Variants in MAGI2 observed in about 807,000 individuals in gnomAD.
MAGI2 encodes the protein membrane associated guanylate kinase, WW and PDZ domain containing 2, also known as membrane-associated guanylate kinase, WW and PDZ domain-containing protein 2.
MAGI2 carries 35 observed loss-of-function variants against 133.3 expected under a neutral mutation model. The ratio of observed to expected loss-of-function variants is 0.26; its 90% CI spans 0.20 to 0.35. MAGI2 has a LOEUF of 0.35. MAGI2 is among the 10% of genes least tolerant of loss of function. MAGI2 has a pLI of 1.00. For synonymous variants in MAGI2, 729 were observed against 710.6 expected, an observed-to-expected ratio of 1.03 and a Z score of -0.41; for missense variants, 1,636 against 1,863.4, an observed-to-expected ratio of 0.88 and a Z score of 2.25.
At chr7:78,198,715 G>A (rs1267616547) in intron 11 of MAGI2, among the ~76,000 whole-genome samples, 2 of 152,154 alleles carry the variant, frequency 1.3e-5, no homozygotes, top group South Asian at 2.1e-4. Context: ...TTATGAATGA[G>A]GCAGGCCCCT....
chr7:78,109,238 A>G (rs2150458867), intron 20 of MAGI2, among the ~76,000 whole-genome samples: 1 of 123,544 alleles, frequency 8.1e-6, no homozygotes, highest in South Asian at 3.0e-4. Context: ...CAGGAGGCGG[A>G]GCTTGCAGTG....
intron 6 of MAGI2, among the ~76,000 whole-genome samples, chr7:78,427,524 A>T (rs1799393942): frequency 6.6e-6 from 1 of 152,144 alleles, no homozygotes; most frequent in Non-Finnish European, 1.5e-5. Flanking sequence ...AATTCATCAC[A>T]ATTATGCATT....
chr7:79,074,653 GA>G (rs1815298512), intron 1 of MAGI2, among the ~76,000 whole-genome samples: 1 of 152,186 alleles, frequency 6.6e-6, no homozygotes, highest in Admixed American at 6.5e-5. Flanking sequence ...ACTGAAGCAT[GA>G]AAAGTTGAAT....
intron 1 of MAGI2, among the ~76,000 whole-genome samples, chr7:79,301,179 T>C (rs1585487163): frequency 6.6e-6 from 1 of 152,334 alleles, no homozygotes; most frequent in East Asian, 1.9e-4. Flanking sequence ...ATTTAGGCAC[T>C]GCCAAGTGGA....
At chr7:78,029,790 G>T (rs750247171) in intron 21 of MAGI2, among the ~76,000 whole-genome samples, 11 of 152,266 alleles carry the variant, frequency 7.2e-5, no homozygotes, top group Non-Finnish European at 1.6e-4. Flanking sequence ...GGAAGTCAGA[G>T]ATTTGCTCAC....
At chr7:79,028,064 T>C (rs1185951403) in intron 1 of MAGI2, among the ~76,000 whole-genome samples, 1 of 150,988 alleles carries the variant, frequency 6.6e-6, no homozygotes, top group Admixed American at 6.6e-5. Flanking sequence ...ATACAAAAAT[T>C]AGCTGGGCAT....
At chr7:78,735,606 G>A (rs1453291468) in intron 2 of MAGI2, among the ~76,000 whole-genome samples, 1 of 152,114 alleles carries the variant, frequency 6.6e-6, no homozygotes, top group African/African-American at 2.4e-5. Context: ...CACTCTTATA[G>A]AACAAATCTT....
At chr7:78,660,942 C>A (rs150429706) in intron 2 of MAGI2, among the ~76,000 whole-genome samples, 98 of 152,234 alleles carry the variant, frequency 6.4e-4, no homozygotes, top group Middle Eastern at 6.8e-3. Flanking sequence ...ACTTGCAAAT[C>A]TTAACACCCA....
chr7:78,475,906 C>T (rs776821892), intron 6 of MAGI2, among the ~76,000 whole-genome samples: 2 of 151,686 alleles, frequency 1.3e-5, no homozygotes, highest in Non-Finnish European at 2.9e-5. Flanking sequence ...CAAGTCTTCT[C>T]GGAACATGCC....
chr7:78,674,573 T>C (rs1230470247), intron 2 of MAGI2, among the ~76,000 whole-genome samples: 1 of 152,180 alleles, frequency 6.6e-6, no homozygotes, highest in Non-Finnish European at 1.5e-5. Flanking sequence ...GTCTACCTCA[T>C]TTATTAAATC....
At chr7:78,703,911 T>C (rs975575909) in intron 2 of MAGI2, among the ~76,000 whole-genome samples, 12 of 85,872 alleles carry the variant, frequency 1.4e-4, no homozygotes, top group African/African-American at 4.7e-4. Context: ...GAATACCATA[T>C]GTAAAAATCA....
At chr7:78,275,763 G>C (rs1278506653) in intron 9 of MAGI2, among the ~76,000 whole-genome samples, 2 of 152,116 alleles carry the variant, frequency 1.3e-5, no homozygotes, top group Non-Finnish European at 2.9e-5. Flanking sequence ...AATAGGACTG[G>C]ATATACCAGT....
intron 6 of MAGI2, among the ~76,000 whole-genome samples, chr7:78,473,791 C>T (rs1006250743): frequency 6.6e-6 from 1 of 151,986 alleles, no homozygotes; most frequent in Non-Finnish European, 1.5e-5. Context: ...CTTCCTCATT[C>T]CAAATAAACT....
chr7:79,389,859 C>T (rs1215861426), intron 1 of MAGI2, among the ~76,000 whole-genome samples: 2 of 151,924 alleles, frequency 1.3e-5, no homozygotes, highest in South Asian at 2.1e-4. Context: ...CCCCATGGTT[C>T]CAATAGCTTA....
At chr7:78,751,782 G>T (rs1823480625) in intron 2 of MAGI2, among the ~76,000 whole-genome samples, 1 of 152,136 alleles carries the variant, frequency 6.6e-6, no homozygotes, top group African/African-American at 2.4e-5. Context: ...ACAGAAACTA[G>T]AAAAAAGGTA....
At chr7:78,652,036 T>A (rs934881420) in intron 2 of MAGI2, among the ~76,000 whole-genome samples, 1 of 152,112 alleles carries the variant, frequency 6.6e-6, no homozygotes, top group African/African-American at 2.4e-5. Flanking sequence ...TGAAGAAAAT[T>A]TAGAAAACCT....
rs748981721 is a variant in MAGI2, at chr7:78,580,869, T to C, written c.538+46251A>G. Among the ~76,000 whole-genome samples, 12 of 152,346 alleles carry C rather than the reference T, an allele frequency of 7.9e-5. No individual in the cohort carries two copies. The South Asian group carries it at 1.0e-3, about 13-fold the overall frequency. On this transcript the variant is annotated intron_variant, in intron 3 of 21. Transcript: ENST00000354212. Reference sequence around the variant, plus strand: ...TTCTGTCTGTCCTGTCTGGGTCTACTGAGTAGACAAACAAACATCCCACAC... The same window carrying C: ...TTCTGTCTGTCCTGTCTGGGTCTACCGAGTAGACAAACAAACATCCCACAC...
At chr7:79,008,634 A>C (rs1277338200) in intron 1 of MAGI2, 1 of 152,160 alleles carries the variant, frequency 6.6e-6, no homozygotes, top group Non-Finnish European at 1.5e-5. Context: ...GTGTACATAA[A>C]TATTACATCC....
chr7:78,642,597 G>T (rs1375390257), intron 2 of MAGI2, among the ~76,000 whole-genome samples: 5 of 152,154 alleles, frequency 3.3e-5, no homozygotes, highest in African/African-American at 1.2e-4. Context: ...TAGTGGAAAA[G>T]AGAGAAAGAC....
Sources: allele counts gnomAD v4.1 joint callset (sites outside exome capture counted in the v4.1 genomes callset), GRCh38; gene constraint gnomAD v4.1.1; transcripts MANE v1.5; gene names NCBI Gene and HGNC (gene_info 2026-07-23, HGNC 2026-07-21).